The following KIF26B variants were observed in gnomAD, a reference collection of about 807,000 sequenced individuals.
The protein encoded by KIF26B is kinesin family member 26B, also known as kinesin-like protein KIF26B.
KIF26B carries 63 observed loss-of-function variants against 151.2 expected under a neutral mutation model. The ratio of observed to expected loss-of-function variants is 0.42; its 90% CI spans 0.34 to 0.51. The LOEUF (loss-of-function observed/expected upper bound fraction) is 0.51, where lower values mean the gene tolerates loss of function less well. Among genes scored for constraint, KIF26B ranks in the 20% least tolerant of loss-of-function variants. The pLI is 0.07. For synonymous variants in KIF26B, 1,357 were observed against 1,262.1 expected (o/e 1.08, Z -1.59); for missense variants, 2,813 against 2,913.6 (o/e 0.97, Z 0.79).
chr1:245,270,163 TTCCCTCCCTTCTTCCCTTCCA>T lies in KIF26B; in HGVS notation c.466-96669_466-96649del, dbSNP rs1670825913. ...TCCTTCCCTTCCTTCTTCCTTTCTC[TTCCCTCCCTTCTTCCCTTCCA>T]TTCCTTCTTCTTTTCCCTTCCCTTT... is the stretch of plus-strand genomic sequence containing the variant. On this transcript the variant is annotated intron_variant, in intron 2 of 14. Transcript: ENST00000407071. 2.6e-5 allele frequency among the ~76,000 whole-genome samples: 4 copies of T among 151,456 alleles called. 1 individual carries two copies. Among genetic ancestry groups the T allele is most frequent in the African/African-American group, 4.8e-5 (2 of 41,292 alleles).
At chr1:245,169,362 T>TGTGTGTGTGTGTGTGTGCGC (rs879260509) in intron 2 of KIF26B, among the ~76,000 whole-genome samples, 43 of 150,982 alleles carry the variant, frequency 2.8e-4, no homozygotes, top group Admixed American at 7.9e-4. Flanking sequence ...TGTGTGTGTG[T>TGTGTGTGTGTGTGTGTGCGC]GCGCGCAAGC....
chr1:245,174,016 T>C (rs1668760815), intron 2 of KIF26B, among the ~76,000 whole-genome samples: 1 of 152,190 alleles, frequency 6.6e-6, no homozygotes, highest in Admixed American at 6.5e-5. Context: ...AAATCAGTCT[T>C]TGTGAGAGCA....
chr1:245,420,536 A>G (rs1401006301), intron 4 of KIF26B, among the ~76,000 whole-genome samples: 1 of 152,242 alleles, frequency 6.6e-6, no homozygotes, highest in African/African-American at 2.4e-5. Flanking sequence ...TTTAATGCTC[A>G]GAACTGAACC....
At chr1:245,458,464 C>T (rs551927436) in intron 4 of KIF26B, among the ~76,000 whole-genome samples, 108 of 152,284 alleles carry the variant, frequency 7.1e-4, no homozygotes, top group African/African-American at 2.4e-3. Context: ...AGGCTCTAGA[C>T]GCACATGGCA....
At chr1:245,459,620 G>A (rs560176940) in intron 4 of KIF26B, among the ~76,000 whole-genome samples, 2 of 152,294 alleles carry the variant, frequency 1.3e-5, no homozygotes, top group Admixed American at 6.5e-5. Flanking sequence ...TGGGATGTGC[G>A]GGTGGTATGA....
chr1:245,517,489 G>T lies in KIF26B; in HGVS notation c.1167-23278G>T, dbSNP rs141294786. Among the ~76,000 whole-genome samples the T allele has an allele frequency of 5.3e-5, 8 of 152,280 alleles. No homozygotes were observed. In the East Asian group the frequency reaches 1.3e-3, roughly 26 times the overall value. ...GTATTGGCAGTTTAGGAAAAATCCA[G>T]TCAACAGTTTAATATGAAAATAGAG... On this transcript the variant is annotated intron_variant, in intron 4 of 14. Coordinates refer to ENST00000407071, the MANE Select transcript of KIF26B (RefSeq NM_018012.4).
chr1:245,171,692 G>A (rs371943541), intron 2 of KIF26B, among the ~76,000 whole-genome samples: 12 of 152,090 alleles, frequency 7.9e-5, no homozygotes, highest in East Asian at 5.8e-4. Context: ...ATCATAGAAC[G>A]ATGGCATAGA....
chr1:245,492,340 G>A (rs1660425499), intron 4 of KIF26B, among the ~76,000 whole-genome samples: 1 of 152,238 alleles, frequency 6.6e-6, no homozygotes, highest in African/African-American at 2.4e-5. Flanking sequence ...TTTTGTTGAA[G>A]ATGATATCTA....
rs374961563 is a variant in KIF26B at position 245,596,288 on chromosome 1, G to A, written c.1351-6289G>A. On this transcript the variant is annotated intron_variant, in intron 5 of 14. Coordinates refer to ENST00000407071, the MANE Select transcript of KIF26B (RefSeq NM_018012.4). ...TTAGATCTTTCCTGCTTTCTCCTGTGGACATTGAGTGCTATAAATTTCCCT... is the reference window on the plus strand; with the variant it reads ...TTAGATCTTTCCTGCTTTCTCCTGTAGACATTGAGTGCTATAAATTTCCCT... Among the ~76,000 whole-genome samples, 85 of 152,246 alleles carry A rather than the reference G, an allele frequency of 5.6e-4. 1 individual carries two copies. The highest frequency in any genetic ancestry group is 2.0e-3 in the African/African-American group (85 of 41,540).
chr1:245,530,306 C>T (rs982191593), intron 4 of KIF26B, among the ~76,000 whole-genome samples: 1 of 152,154 alleles, frequency 6.6e-6, no homozygotes, highest in Non-Finnish European at 1.5e-5. Flanking sequence ...TGAACTACCA[C>T]GCAATCTAGC....
chr1:245,406,602 G>C (rs903322784), intron 3 of KIF26B, among the ~76,000 whole-genome samples: 3 of 152,104 alleles, frequency 2.0e-5, no homozygotes, highest in African/African-American at 7.2e-5. Context: ...ATGTGTATTA[G>C]AATTAAATGC....
chr1:245,586,679 C>T (rs903565323), intron 5 of KIF26B, among the ~76,000 whole-genome samples: 4 of 150,880 alleles, frequency 2.7e-5, no homozygotes, highest in Non-Finnish European at 5.9e-5. Flanking sequence ...GTCAGGAGAT[C>T]GAGACCATCC....
chr1:245,217,794 C>T (rs146060294), intron 2 of KIF26B, among the ~76,000 whole-genome samples: 15 of 152,114 alleles, frequency 9.9e-5, no homozygotes, highest in South Asian at 2.1e-4. Context: ...ATCTTTCAGA[C>T]GAGGAAACCA....
rs568246743 is a variant in KIF26B at position 245,532,252 on chromosome 1, T to TC, written c.1167-8515_1167-8514insC. Among the ~76,000 whole-genome samples, 93 of 145,804 alleles carry TC rather than the reference T, an allele frequency of 6.4e-4. 1 individual carries two copies. The South Asian group carries it at 0.017, about 27-fold the overall frequency. On this transcript the variant is annotated intron_variant, in intron 4 of 14. Transcript: ENST00000407071. The stretch of plus-strand genomic sequence containing the variant: ...TCTTTTCTTTTCTTTTCTTTTCTTT[T>TC]TTTTTTTTTTTGAGACAGAGTCTTG...
chr1:245,611,347 G>A (rs1008426698), intron 8 of KIF26B, among the ~76,000 whole-genome samples: 1 of 152,168 alleles, frequency 6.6e-6, no homozygotes, highest in African/African-American at 2.4e-5. Flanking sequence ...CCACTGCTAT[G>A]AGGCCTCAAA....
chr1:245,584,654 AAAG>A (rs2043206225), intron 5 of KIF26B, among the ~76,000 whole-genome samples: 3 of 152,198 alleles, frequency 2.0e-5, no homozygotes, highest in South Asian at 2.1e-4. Flanking sequence ...GAGAAAAAGA[AAAG>A]AACCTATAGG....
In KIF26B at chr1:245,698,062, G is replaced by A; in HGVS notation, c.5825-44G>A. 6.4e-7 allele frequency: 1 copy of A among 1,552,360 alleles called. No individual in the cohort carries two copies. Among genetic ancestry groups the A allele is most frequent in the Non-Finnish European group, 8.7e-7 (1 of 1,145,684 alleles). On this transcript the variant is annotated intron_variant, in intron 12 of 14. Coordinates refer to ENST00000407071, the MANE Select transcript of KIF26B (RefSeq NM_018012.4). This position sits in a 1 kb window ranked among gnomAD's most constrained non-coding sequence, Gnocchi z 4.0. ...GTCTCAAAAAAACAACAAAAAAATT[G>A]AAATTCAGAAAGACTAACTCTCTGG...
At chr1:245,474,351 A>T (rs1373770810) in intron 4 of KIF26B, among the ~76,000 whole-genome samples, 5 of 149,806 alleles carry the variant, frequency 3.3e-5, no homozygotes, top group African/African-American at 1.2e-4. Context: ...CTCGTGATCC[A>T]CCTGCCTCAG....
At chr1:245,574,442 C>G (rs2043096161) in intron 5 of KIF26B, among the ~76,000 whole-genome samples, 1 of 152,164 alleles carries the variant, frequency 6.6e-6, no homozygotes, top group African/African-American at 2.4e-5. Flanking sequence ...CCATGCCTGA[C>G]CGAGACCATT....
Sources: gnomAD v4.1 joint callset for allele counts (sites outside exome capture counted in the v4.1 genomes callset) on GRCh38, gnomAD v4.1.1 for gene constraint, Gnocchi (gnomAD v3.1) non-coding constraint, MANE v1.5 for transcripts, NCBI Gene and HGNC (gene_info 2026-07-23, HGNC 2026-07-21) for gene names.